The following TNIK variants were observed in gnomAD, a reference collection of about 807,000 sequenced individuals.
TNIK encodes the protein TRAF2 and NCK-interacting protein kinase.
In TNIK, 49 loss-of-function variants were observed where a neutral mutation model predicts 191.3. The observed-to-expected ratio is 0.26, with a 90% CI of 0.20 to 0.32. The LOEUF is 0.32. Ranked by LOEUF, TNIK falls within the 10% of genes least tolerant of loss-of-function variation. The pLI is 1.00. For missense variants in TNIK, 1,155 were observed against 1,702.3 expected, an observed-to-expected ratio of 0.68 and a Z score of 5.66; for synonymous variants, 594 against 600.9, an observed-to-expected ratio of 0.99 and a Z score of 0.17.
intron 4 of TNIK, 120 bp from the exon 5 acceptor site, chr3:171,194,755 A>G (rs1475039492): frequency 6.5e-6 from 5 of 769,692 alleles, no homozygotes; most frequent in Non-Finnish European, 1.1e-5. Context: ...AGAAAAAGTT[A>G]TCATAAAACA....
At chr3:171,111,888 G>A (rs1294476894) in intron 18 of TNIK, among the ~76,000 whole-genome samples, 1 of 152,204 alleles carries the variant, frequency 6.6e-6, no homozygotes, top group Non-Finnish European at 1.5e-5. Flanking sequence ...GAAACAGAGA[G>A]TAGAATGATA....
intron 4 of TNIK, among the ~76,000 whole-genome samples, chr3:171,195,568 G>A (rs1243292055): frequency 1.3e-5 from 2 of 151,664 alleles, no homozygotes; most frequent in African/African-American, 4.8e-5. Context: ...CCTGATATCA[G>A]CACTATGTTT....
At position 171,219,144 on chromosome 3, in the gene TNIK, T is replaced by TTTTATATAAATATATAATTATAAATATA. The variant is rs1169497964; in HGVS notation, c.181-7904_181-7903insTATATTTATAATTATATATTTATATAAA. Among the ~76,000 whole-genome samples, 312 of 134,108 alleles carry TTTTATATAAATATATAATTATAAATATA rather than the reference T, an allele frequency of 2.3e-3. 3 individuals are homozygous for TTTTATATAAATATATAATTATAAATATA. The highest frequency in any genetic ancestry group is 3.8e-3 in the Admixed American group (46 of 12,164). 88.0% of individuals were successfully genotyped at this position (134,108 alleles called of 152,430 possible). Reference sequence around the variant, plus strand: ...ATAAATATATAATTATAAATATATATTATAAAATATATAATACATATTCAT... The same window carrying TTTTATATAAATATATAATTATAAATATA: ...ATAAATATATAATTATAAATATATATTTTATATAAATATATAATTATAAATATATATAAAATATATAATACATATTCAT... On this transcript the variant is annotated intron_variant, in intron 3 of 32. Transcript: ENST00000436636.
At chr3:171,383,484 G>C (rs1328507536) in intron 1 of TNIK, among the ~76,000 whole-genome samples, 1 of 152,202 alleles carries the variant, frequency 6.6e-6, no homozygotes, top group East Asian at 1.9e-4. Context: ...TGACTGGAAT[G>C]CTGGTTATTC....
intron 5 of TNIK, among the ~76,000 whole-genome samples, chr3:171,191,427 AG>A (rs1383140361): frequency 2.6e-5 from 4 of 152,162 alleles, no homozygotes; most frequent in Admixed American, 1.3e-4. Flanking sequence ...TAGTACAGAC[AG>A]GGTTTCACCA....
chr3:171,161,912 C>T (rs11917854), intron 10 of TNIK, among the ~76,000 whole-genome samples: 14,171 of 151,644 alleles, frequency 0.093, 934 homozygotes, highest in African/African-American at 0.18. Context: ...AGAGCGAGGC[C>T]CTGTCTCAAA....
At chr3:171,144,495 G>A (rs1443596932) in intron 12 of TNIK, among the ~76,000 whole-genome samples, 1 of 152,140 alleles carries the variant, frequency 6.6e-6, no homozygotes, top group Non-Finnish European at 1.5e-5. Context: ...AAATATTTAT[G>A]ATTGACATGT....
chr3:171,217,671 T>C lies in TNIK; in HGVS notation c.181-6430A>G, dbSNP rs1184751585. Among the ~76,000 whole-genome samples, 5 of 152,314 alleles carry C rather than the reference T, an allele frequency of 3.3e-5. No homozygotes were observed. In the South Asian group the frequency reaches 8.3e-4, roughly 25 times the overall value. The stretch of plus-strand genomic sequence containing the variant: ...TAGGCATAACAGATTCAAGTTCTGC[T>C]ACAATGAAGCTTACTACAGTTTAGT... On this transcript the variant is annotated intron_variant, in intron 3 of 32. Coordinates refer to ENST00000436636, the MANE Select transcript of TNIK (RefSeq NM_015028.4).
At chr3:171,358,059 ATCCTC>A (rs1714405701) in intron 2 of TNIK, among the ~76,000 whole-genome samples, 1 of 152,140 alleles carries the variant, frequency 6.6e-6, no homozygotes, top group South Asian at 2.1e-4. Context: ...GATCCTAACT[ATCCTC>A]CCAGAACATC....
chr3:171,130,135 T>G (rs1456888573), intron 15 of TNIK, among the ~76,000 whole-genome samples: 1 of 152,226 alleles, frequency 6.6e-6, no homozygotes, highest in Non-Finnish European at 1.5e-5. Context: ...TCTTTATTCA[T>G]TTTACTGCCT....
Position 171,398,495 on chromosome 3 carries a change from G to A in TNIK, c.58-28810C>T, listed in dbSNP as rs141283156. On this transcript the variant is annotated intron_variant, in intron 1 of 32. Transcript: ENST00000436636. Reference sequence around the variant, plus strand: ...AGAGATTGGCTATCTCTAAACAGCTGACAAAGGAATCCAAACTCCTCTTGG... The same window carrying A: ...AGAGATTGGCTATCTCTAAACAGCTAACAAAGGAATCCAAACTCCTCTTGG... Among the ~76,000 whole-genome samples the A allele has an allele frequency of 3.6e-4, 55 of 152,272 alleles. 1 individual carries two copies. The highest frequency in any genetic ancestry group is 2.9e-4 in the Non-Finnish European group (20 of 68,022).
chr3:171,452,094 G>T (rs1045418749), intron 1 of TNIK, among the ~76,000 whole-genome samples: 13 of 152,126 alleles, frequency 8.5e-5, no homozygotes, highest in African/African-American at 3.1e-4. Context: ...TCTAAATCCG[G>T]GTATCCAGCA....
At chr3:171,412,248 G>A (rs1226643184) in intron 1 of TNIK, among the ~76,000 whole-genome samples, 1 of 152,206 alleles carries the variant, frequency 6.6e-6, no homozygotes, top group Non-Finnish European at 1.5e-5. Flanking sequence ...GAGCAGCAGT[G>A]TGTGATCACT....
chr3:171,131,263 G>A lies in TNIK; in HGVS notation c.1609-2385C>T, dbSNP rs1053944851. ...TGAGGCAGGAGAATGGCGTGAACCC[G>A]GGAGGCGGAGCTTGCAGTGAGCCGA... is the stretch of plus-strand genomic sequence containing the variant. On this transcript the variant is annotated intron_variant, in intron 15 of 32. Transcript: ENST00000436636. Among the ~76,000 whole-genome samples, 5 of 146,070 alleles carry A rather than the reference G, an allele frequency of 3.4e-5. No individual in the cohort carries two copies. The South Asian group carries it at 1.1e-3, about 32-fold the overall frequency.
intron 24 of TNIK, among the ~76,000 whole-genome samples, chr3:171,086,970 C>T (rs559342711): frequency 2.6e-5 from 4 of 152,122 alleles, no homozygotes; most frequent in Admixed American, 6.5e-5. Context: ...ACTAAATTAA[C>T]ACAAATATAA....
intron 1 of TNIK, among the ~76,000 whole-genome samples, chr3:171,410,199 C>T (rs1419640152): frequency 6.6e-6 from 1 of 152,170 alleles, no homozygotes; most frequent in Non-Finnish European, 1.5e-5. Flanking sequence ...TTCTGGTTTG[C>T]TATGCTAGAA....
chr3:171,323,024 T>C (rs9823183), intron 2 of TNIK, among the ~76,000 whole-genome samples: 35,096 of 151,990 alleles, frequency 0.23, 5,113 homozygotes, highest in African/African-American at 0.42. Flanking sequence ...ATTTACATTT[T>C]GGTGTCCATA....
intron 1 of TNIK, among the ~76,000 whole-genome samples, chr3:171,370,767 G>C (rs1164573440): frequency 6.6e-6 from 1 of 152,254 alleles, no homozygotes; most frequent in Non-Finnish European, 1.5e-5. Flanking sequence ...GCACAATATT[G>C]CCAGGTCTAA....
intron 1 of TNIK, among the ~76,000 whole-genome samples, chr3:171,401,658 A>T (rs1002406966): frequency 6.6e-6 from 1 of 152,144 alleles, no homozygotes; most frequent in African/African-American, 2.4e-5. Context: ...TAGGAGCATC[A>T]AGGTACATCG....
Sources: gnomAD v4.1 joint callset for allele counts (sites outside exome capture counted in the v4.1 genomes callset) on GRCh38, gnomAD v4.1.1 for gene constraint, MANE v1.5 for transcripts, NCBI Gene and HGNC (gene_info 2026-07-23, HGNC 2026-07-21) for gene names.